The following MYCT1 variants were observed in gnomAD, a reference collection of about 807,000 sequenced individuals.
The protein encoded by MYCT1 is myc target protein 1.
In MYCT1, 12 loss-of-function variants were observed where a neutral mutation model predicts 15.0. The observed-to-expected ratio is 0.80, with a 90% CI of 0.51 to 1.29. The LOEUF (loss-of-function observed/expected upper bound fraction) is 1.29, where lower values mean the gene tolerates loss of function less well. Among genes scored for constraint, MYCT1 ranks in the 50% most tolerant of loss-of-function variants. The pLI is 0.00. For synonymous variants in MYCT1, 104 were observed against 102.7 expected, an observed-to-expected ratio of 1.01 and a Z score of -0.07; for missense variants, 287 against 279.1, an observed-to-expected ratio of 1.03 and a Z score of -0.20.
At chr6:152,700,385 C>T (rs998034753) in intron 1 of MYCT1, among the ~76,000 whole-genome samples, 7 of 152,052 alleles carry the variant, frequency 4.6e-5, no homozygotes, top group South Asian at 2.1e-4. Flanking sequence ...ATTGCTCAGA[C>T]GTAGCACACT....
intron 1 of MYCT1, among the ~76,000 whole-genome samples, chr6:152,717,000 T>A (rs1205095897): frequency 2.0e-5 from 3 of 152,156 alleles, no homozygotes; most frequent in Non-Finnish European, 4.4e-5. Flanking sequence ...CAGTTACATT[T>A]TCTTCTACAC....
chr6:152,698,153 C>T, intron 1 of MYCT1, 55 bp downstream of exon 1: 1 of 1,021,814 alleles, frequency 9.8e-7, no homozygotes, highest in East Asian at 2.6e-5. Flanking sequence ...AAGAAATGCA[C>T]TGCGTGATTA....
At chr6:152,726,453 A>T (rs17782898), downstream of MYCT1, among the ~76,000 whole-genome samples, 31,438 of 150,898 alleles carry the variant, frequency 0.21, 3,759 homozygotes, top group South Asian at 0.36. Flanking sequence ...CAGTCTAGAC[A>T]CTGGGATAGT....
chr6:152,744,801 A>T, the MYCT1 span, among the ~76,000 whole-genome samples: 1 of 152,210 alleles, frequency 6.6e-6, no homozygotes, highest in Non-Finnish European at 1.5e-5. Context: ...AAATAGAAAC[A>T]GTGAAGAAGA....
At chr6:152,705,242 A>G (rs1315519098) in intron 1 of MYCT1, among the ~76,000 whole-genome samples, 1 of 152,228 alleles carries the variant, frequency 6.6e-6, no homozygotes, top group Non-Finnish European at 1.5e-5. Flanking sequence ...GAACACTTAC[A>G]TTAGCCTACA....
the MYCT1 span, among the ~76,000 whole-genome samples, chr6:152,737,898 A>T: frequency 2.0e-5 from 3 of 152,082 alleles, no homozygotes; most frequent in South Asian, 6.2e-4. Flanking sequence ...TATTTAAGTG[A>T]TTTATTTTCT....
chr6:152,731,625 G>C, the MYCT1 span, among the ~76,000 whole-genome samples: 1 of 151,984 alleles, frequency 6.6e-6, no homozygotes, highest in South Asian at 2.1e-4. Flanking sequence ...GCGGTGTTTG[G>C]TTTTCTGTCC....
chr6:152,746,920 A>C, the MYCT1 span, among the ~76,000 whole-genome samples: 2 of 152,196 alleles, frequency 1.3e-5, no homozygotes, highest in Non-Finnish European at 2.9e-5. Context: ...GTTGTCCTCG[A>C]TCATATCATT....
In MYCT1 at chr6:152,722,748, T is replaced by A. The variant is rs2099724940; in HGVS notation, c.*495T>A. 2.4e-6 allele frequency: 1 copy of A among 414,814 alleles called. No homozygotes were observed. 25.7% of individuals were successfully genotyped at this position (414,814 alleles called of 1,614,324 possible). On this transcript the variant is annotated 3_prime_UTR_variant, in exon 2 of 2. Coordinates refer to ENST00000367245, the MANE Select transcript of MYCT1 (RefSeq NM_025107.3). Reference sequence around the variant, plus strand: ...TTACAATCTTAGATTTTTCTTTTTTTTTCTTTTGAGACAGGGTCTTGATCC... The same window carrying A: ...TTACAATCTTAGATTTTTCTTTTTTATTCTTTTGAGACAGGGTCTTGATCC...
At chr6:152,701,749 C>T (rs1189247086) in intron 1 of MYCT1, among the ~76,000 whole-genome samples, 4 of 152,168 alleles carry the variant, frequency 2.6e-5, no homozygotes, top group East Asian at 1.9e-4. Context: ...AAATCTGGCT[C>T]ACATGATCTG....
chr6:152,746,567 G>T, the MYCT1 span, among the ~76,000 whole-genome samples: 1 of 152,204 alleles, frequency 6.6e-6, no homozygotes, highest in African/African-American at 2.4e-5. Flanking sequence ...CTGCAGATAA[G>T]GGAGGACTAC....
the MYCT1 span, among the ~76,000 whole-genome samples, chr6:152,739,627 T>G: frequency 2.6e-5 from 4 of 152,098 alleles, no homozygotes; most frequent in Non-Finnish European, 4.4e-5. Context: ...TTTCTATTCA[T>G]ATCGTTTCTC....
chr6:152,726,012 A>C (rs552118645), downstream of MYCT1, among the ~76,000 whole-genome samples: 2 of 152,348 alleles, frequency 1.3e-5, no homozygotes, highest in South Asian at 4.1e-4. Flanking sequence ...AAATGGCTGC[A>C]GTATCTTTTG....
intron 1 of MYCT1, among the ~76,000 whole-genome samples, chr6:152,717,257 C>T (rs1452081642): frequency 1.3e-5 from 2 of 152,108 alleles, no homozygotes; most frequent in African/African-American, 2.4e-5. Context: ...CTACATTTGC[C>T]TTTGCTGTTT....
intron 1 of MYCT1, among the ~76,000 whole-genome samples, chr6:152,703,211 G>C (rs925132278): frequency 1.7e-4 from 26 of 152,148 alleles, no homozygotes; most frequent in African/African-American, 5.8e-4. Flanking sequence ...TTCAATTGGA[G>C]GGTTTTAAAT....
At chr6:152,741,062 C>T in the MYCT1 span, among the ~76,000 whole-genome samples, 1 of 152,084 alleles carries the variant, frequency 6.6e-6, no homozygotes, top group Non-Finnish European at 1.5e-5. Flanking sequence ...AATAATTTCT[C>T]CCCAATGTGA....
At chr6:152,733,881 TTTTTC>T in the MYCT1 span, among the ~76,000 whole-genome samples, 11 of 152,158 alleles carry the variant, frequency 7.2e-5, no homozygotes, top group Admixed American at 5.2e-4. Context: ...AACAAGTTGC[TTTTTC>T]TTTTGCCATT....
the MYCT1 span, among the ~76,000 whole-genome samples, chr6:152,737,558 A>G: frequency 6.6e-6 from 1 of 152,078 alleles, no homozygotes; most frequent in African/African-American, 2.4e-5. Context: ...ATGTACAATA[A>G]TATGATCATA....
intron 1 of MYCT1, among the ~76,000 whole-genome samples, chr6:152,713,106 C>T (rs2099723042): frequency 6.6e-6 from 1 of 151,916 alleles, no homozygotes; most frequent in South Asian, 2.1e-4. Flanking sequence ...ATATTTTTCT[C>T]CATTTTTCAA....
Sources: allele counts gnomAD v4.1 joint callset (sites outside exome capture counted in the v4.1 genomes callset), GRCh38; gene constraint gnomAD v4.1.1; transcripts MANE v1.5; gene names NCBI Gene and HGNC (gene_info 2026-07-23, HGNC 2026-07-21).